ERP27: variants seen among roughly 807,000 people sequenced by gnomAD.
The protein encoded by ERP27 is endoplasmic reticulum protein 27, also known as endoplasmic reticulum resident protein 27.
In ERP27, 23 loss-of-function variants were observed where a neutral mutation model predicts 27.7. The ratio of observed to expected loss-of-function variants is 0.83; its 90% confidence interval spans 0.60 to 1.18. The LOEUF (loss-of-function observed/expected upper bound fraction) is 1.18. Among genes scored for constraint, ERP27 ranks in the 50% most tolerant of loss-of-function variants. ERP27 has a pLI of 0.00. For synonymous variants in ERP27, 159 were observed against 118.3 expected (o/e 1.34, Z -2.23); for missense variants, 363 against 327.9 (o/e 1.11, Z -0.83).
chr12:14,924,946 C>T (rs1051388017), intron 3 of ERP27, among the ~76,000 whole-genome samples: 1 of 152,170 alleles, frequency 6.6e-6, no homozygotes, highest in Non-Finnish European at 1.5e-5. Flanking sequence ...CCACCAGCCC[C>T]ATGACAGTTT....
intron 3 of ERP27, among the ~76,000 whole-genome samples, chr12:14,931,137 C>G (rs1327775956): frequency 1.3e-5 from 2 of 151,794 alleles, no homozygotes; most frequent in African/African-American, 2.4e-5. Context: ...TTTTGGGCAA[C>G]TAAACCATTC....
At chr12:14,915,750 ACC>A in intron 5 of ERP27, 64 bp from the exon 6 acceptor site, 1 of 1,426,394 alleles carries the variant, frequency 7.0e-7, no homozygotes, top group Middle Eastern at 2.3e-4. Context: ...ATAAAGAGAT[ACC>A]TTGTAATTGT....
Position 14,920,976 on chromosome 12 carries a change from T to C in ERP27, c.406A>G (p.Ile136Val), listed in dbSNP as rs1863493704. 2 of 1,614,044 alleles carry C rather than the reference T, an allele frequency of 1.2e-6. No homozygotes were observed. The highest frequency in any genetic ancestry group is 2.7e-5 in the African/African-American group (2 of 74,932). ...ACCATGTGGAGGCTGTTGATCTCAA[T>C]GAAACGGCTCAATTTGGTGGCATCA... is the stretch of plus-strand genomic sequence containing the variant. ...SIDATKLSRF[I>V]EINSLHMVTE... The change falls in exon 4 of 7, where the codon ATT becomes GTT. Residue 136 changes from isoleucine to valine, a missense_variant. Ile to Val is a conservative substitution (Grantham distance 29). Coordinates refer to ENST00000266397, the MANE Select transcript of ERP27 (RefSeq NM_152321.4).
intron 3 of ERP27, among the ~76,000 whole-genome samples, chr12:14,924,022 A>T (rs2193359): frequency 6.6e-6 from 1 of 151,896 alleles, no homozygotes; most frequent in East Asian, 1.9e-4. Context: ...TCCCTCTTCC[A>T]TCACCACTTC....
intron 2 of ERP27, among the ~76,000 whole-genome samples, chr12:14,936,247 A>G (rs904468500): frequency 2.6e-5 from 4 of 152,218 alleles, no homozygotes; most frequent in African/African-American, 9.6e-5. Flanking sequence ...AGTTTTAACA[A>G]AAGTTTATGC....
At chr12:14,935,092 T>C (rs1039156577) in intron 2 of ERP27, 99 bp from the exon 3 acceptor site, 17 of 1,506,356 alleles carry the variant, frequency 1.1e-5, no homozygotes, top group African/African-American at 1.4e-5. Context: ...CCAGAAATCA[T>C]AGATTTGATT....
In ERP27 at chr12:14,915,648, A is replaced by G. The variant is rs143024641; in HGVS notation, c.615T>C (p.Asn205=). The G allele has an allele frequency of 1.2e-6, 2 of 1,614,048 alleles. No individual in the cohort carries two copies. The highest frequency in any genetic ancestry group is 1.7e-6 in the Non-Finnish European group (2 of 1,179,978). ...FILVDSGMKE[N]GKVISFFKLK... ...GTTTGAAAAATGATATCACCTTCCCATTTTCTTTCATACCACTGTCCACCA... is the reference window on the plus strand; with the variant it reads ...GTTTGAAAAATGATATCACCTTCCCGTTTTCTTTCATACCACTGTCCACCA... The change falls in exon 6 of 7, where the codon AAT becomes AAC. Residue 205 remains asparagine (N), a synonymous_variant. Coordinates refer to ENST00000266397, the MANE Select transcript of ERP27 (RefSeq NM_152321.4).
At chr12:14,929,243 C>G in intron 3 of ERP27, 1 of 842,708 alleles carries the variant, frequency 1.2e-6, no homozygotes, top group Non-Finnish European at 1.6e-6. Flanking sequence ...AAAGAATGCA[C>G]TAAATTGGAG....
chr12:14,917,498 C>A (rs543934211), intron 4 of ERP27, among the ~76,000 whole-genome samples, 195 bp from the exon 5 acceptor site: 1 of 143,604 alleles, frequency 7.0e-6, no homozygotes, highest in African/African-American at 2.6e-5. Context: ...CCTTCCTTCC[C>A]ACCCTGAATG....
chr12:14,919,033 C>T (rs955728246), intron 4 of ERP27, among the ~76,000 whole-genome samples: 9 of 152,250 alleles, frequency 5.9e-5, no homozygotes, highest in Admixed American at 3.9e-4. Flanking sequence ...TTAATCCTAA[C>T]AGACACCTTG....
intron 3 of ERP27, among the ~76,000 whole-genome samples, chr12:14,931,868 A>C (rs972553385): frequency 6.7e-6 from 1 of 150,362 alleles, no homozygotes; most frequent in African/African-American, 2.5e-5. Flanking sequence ...GCTTATTAGA[A>C]TTTTTGTATT....
At chr12:14,920,242 T>C (rs530146908) in intron 4 of ERP27, among the ~76,000 whole-genome samples, 2 of 152,174 alleles carry the variant, frequency 1.3e-5, no homozygotes, top group Non-Finnish European at 2.9e-5. Flanking sequence ...TCAGATTGCA[T>C]GCAGCATGCA....
chr12:14,925,123 C>T lies in ERP27; in HGVS notation c.334-4075G>A, dbSNP rs550770526. ...GTGTAGCCATTCTTTCATTCCTTTACTTTCTTAATAAACTTGCTTTCACTT... is the reference window on the plus strand; with the variant it reads ...GTGTAGCCATTCTTTCATTCCTTTATTTTCTTAATAAACTTGCTTTCACTT... On this transcript the variant is annotated intron_variant, in intron 3 of 6. Coordinates refer to ENST00000266397, the MANE Select transcript of ERP27 (RefSeq NM_152321.4). Among the ~76,000 whole-genome samples, 499 of 151,464 alleles carry T rather than the reference C, an allele frequency of 3.3e-3. 3 individuals are homozygous for T. The highest frequency in any genetic ancestry group is 0.011 in the African/African-American group (449 of 40,766).
At chr12:14,930,447 A>G (rs1432093172) in intron 3 of ERP27, among the ~76,000 whole-genome samples, 1 of 152,250 alleles carries the variant, frequency 6.6e-6, no homozygotes, top group Non-Finnish European at 1.5e-5. Flanking sequence ...AAAGCAGGGT[A>G]AACATTCAAA....
At chr12:14,926,265 CTAAAA>C (rs1432165352) in intron 3 of ERP27, among the ~76,000 whole-genome samples, 2 of 152,048 alleles carry the variant, frequency 1.3e-5, no homozygotes, top group East Asian at 3.8e-4. Flanking sequence ...TCCTTGTTGC[CTAAAA>C]GTCTACTTTG....
chr12:14,921,123 A>G, intron 3 of ERP27, 75 bp from the exon 4 acceptor site: 1 of 1,207,810 alleles, frequency 8.3e-7, no homozygotes, highest in Non-Finnish European at 1.2e-6. Context: ...TTAGACCCCC[A>G]TGTGACAGGC....
At position 14,915,558 on chromosome 12, in the gene ERP27, C is replaced by G. The variant is rs1863395898; in HGVS notation, c.705G>C (p.Leu235=). The G allele has an allele frequency of 6.2e-7, 1 of 1,614,116 alleles. No homozygotes were observed. Among genetic ancestry groups the G allele is most frequent in the Non-Finnish European group, 8.5e-7 (1 of 1,180,044 alleles). ...GCTCTACGGAAACTTCTGCTGTGGG[C>G]AGTGTATCCCACTCGTCATCTAGAG... ...YQTLDDEWDT[L]PTAEVSVEHV... is the part of the protein sequence containing the mutation. The change falls in exon 6 of 7, where the codon CTG becomes CTC. Residue 235 remains leucine, a synonymous_variant. Coordinates refer to ENST00000266397, the MANE Select transcript of ERP27 (RefSeq NM_152321.4).
At chr12:14,914,873 G>A in intron 6 of ERP27, 91 bp from the exon 7 acceptor site, 1 of 1,007,430 alleles carries the variant, frequency 9.9e-7, no homozygotes, top group Non-Finnish European at 1.5e-6. Flanking sequence ...TTTATCTCAT[G>A]AACCCTGTTA....
At chr12:14,919,755 T>A (rs1371425115) in intron 4 of ERP27, among the ~76,000 whole-genome samples, 1 of 152,244 alleles carries the variant, frequency 6.6e-6, no homozygotes, top group Non-Finnish European at 1.5e-5. Flanking sequence ...AGAAGTTACT[T>A]AAATTTTCTG....
Sources: allele counts gnomAD v4.1 joint callset (sites outside exome capture counted in the v4.1 genomes callset), GRCh38; gene constraint gnomAD v4.1.1; transcripts MANE v1.5; gene names NCBI Gene and HGNC (gene_info 2026-07-23, HGNC 2026-07-21).